The following CPVL variants were observed in gnomAD, a reference collection of about 807,000 sequenced individuals.
CPVL encodes probable serine carboxypeptidase CPVL.
A neutral mutation model predicts 63.7 loss-of-function variants in CPVL; 51 were observed. The observed-to-expected ratio is 0.80, with a 90% confidence interval of 0.64 to 1.01. The LOEUF (loss-of-function observed/expected upper bound fraction) is 1.01. CPVL is among the 50% of genes least tolerant of loss of function. CPVL has a pLI of 0.00. For synonymous variants in CPVL, 195 were observed against 206.0 expected, an observed-to-expected ratio of 0.95 and a Z score of 0.46; for missense variants, 530 against 573.1, an observed-to-expected ratio of 0.92 and a Z score of 0.77.
intron 1 of CPVL, chr7:29,194,809 T>C: frequency 2.9e-6 from 2 of 693,750 alleles, no homozygotes; most frequent in Non-Finnish European, 4.2e-6. Flanking sequence ...GTCCGGAGGC[T>C]GGTGCTTTCT....
exon 1 of CPVL, chr7:29,195,158 C>T (rs1339502207): frequency 5.0e-6 from 3 of 598,166 alleles, no homozygotes; most frequent in African/African-American, 2.0e-5. Flanking sequence ...ACCTCGGTGC[C>T]CAGAGCACCT....
At chr7:29,178,391 G>T (rs1194318891) in intron 5 of CPVL, among the ~76,000 whole-genome samples, 4 of 152,040 alleles carry the variant, frequency 2.6e-5, no homozygotes, top group Non-Finnish European at 5.9e-5. Flanking sequence ...TCTGCGTGCG[G>T]TTTCATTCCT....
At chr7:29,002,006 C>T (rs1784690605) in intron 12 of CPVL, among the ~76,000 whole-genome samples, 1 of 152,128 alleles carries the variant, frequency 6.6e-6, no homozygotes, top group Non-Finnish European at 1.5e-5. Flanking sequence ...TGAGAGAGGC[C>T]ATGATCGTAG....
At chr7:29,073,994 G>T (rs562556762) in intron 7 of CPVL, among the ~76,000 whole-genome samples, 4 of 152,258 alleles carry the variant, frequency 2.6e-5, no homozygotes, top group South Asian at 4.1e-4. Flanking sequence ...CCCTCCAGGG[G>T]TCTGTAGTTC....
intron 7 of CPVL, among the ~76,000 whole-genome samples, chr7:29,079,616 A>G (rs76500314): frequency 0.022 from 3,401 of 152,350 alleles, 61 homozygotes; most frequent in Non-Finnish European, 0.035. Flanking sequence ...ATCTACAGAT[A>G]AAATACATGA....
At chr7:29,186,312 G>C (rs144280989) in intron 2 of CPVL, 41 of 152,292 alleles carry the variant, frequency 2.7e-4, no homozygotes, top group African/African-American at 9.4e-4. Context: ...TAGGCCATGC[G>C]TGTTGGCTCA....
chr7:29,095,408 T>C (rs1407887383), intron 4 of CPVL, among the ~76,000 whole-genome samples: 1 of 152,124 alleles, frequency 6.6e-6, no homozygotes, highest in African/African-American at 2.4e-5. Flanking sequence ...GGAACAAAGC[T>C]GGTTCATGAA....
rs1400471336 is a variant in CPVL, at chr7:29,095,162, G to T, written c.404-20C>A. 6 of 1,608,914 alleles carry T rather than the reference G, an allele frequency of 3.7e-6. No homozygotes were observed. The highest frequency in any genetic ancestry group is 5.1e-6 in the Non-Finnish European group (6 of 1,175,364). On this transcript the variant is annotated intron_variant, in intron 4 of 12. Coordinates refer to ENST00000265394, the MANE Select transcript of CPVL (RefSeq NM_031311.5). Reference sequence around the variant, plus strand: ...CACGCACTGTGAAAACAAAGAAGAGGGGTGAGATAGAGTCGTGGACAAGCA... The same window carrying T: ...CACGCACTGTGAAAACAAAGAAGAGTGGTGAGATAGAGTCGTGGACAAGCA...
At chr7:29,053,751 C>G (rs1790428481) in intron 11 of CPVL, among the ~76,000 whole-genome samples, 1 of 151,932 alleles carries the variant, frequency 6.6e-6, no homozygotes, top group Non-Finnish European at 1.5e-5. Flanking sequence ...TAAATTATAT[C>G]TCAGTCAATC....
At chr7:29,071,089 G>C (rs1783687937) in intron 9 of CPVL, among the ~76,000 whole-genome samples, 1 of 151,696 alleles carries the variant, frequency 6.6e-6, no homozygotes, top group African/African-American at 2.4e-5. Context: ...ACATGGCTCT[G>C]TCTGCATTGG....
chr7:29,133,010 G>A (rs1015995754), intron 1 of CPVL, among the ~76,000 whole-genome samples: 1 of 152,278 alleles, frequency 6.6e-6, no homozygotes, highest in South Asian at 2.1e-4. Flanking sequence ...CAGCCAAAAT[G>A]TCTTCACACA....
At chr7:29,075,851 C>T (rs149359327) in intron 7 of CPVL, among the ~76,000 whole-genome samples, 3 of 151,334 alleles carry the variant, frequency 2.0e-5, no homozygotes, top group Non-Finnish European at 4.4e-5. Context: ...GGTTGAGTGA[C>T]TCAGGCTGTC....
intron 3 of CPVL, chr7:29,096,419 T>C (rs567271062): frequency 5.2e-6 from 3 of 578,996 alleles, no homozygotes; most frequent in Admixed American, 3.0e-5. Flanking sequence ...CTGTGCCTCA[T>C]ATGCTGGTGT....
At chr7:29,179,831 GAGTT>G (rs1052906496) in intron 5 of CPVL, among the ~76,000 whole-genome samples, 18 of 152,190 alleles carry the variant, frequency 1.2e-4, no homozygotes, top group Non-Finnish European at 5.9e-5. Context: ...TTGCAAAACT[GAGTT>G]AGTGCATGTG....
At chr7:29,180,010 G>A (rs907952730) in intron 5 of CPVL, among the ~76,000 whole-genome samples, 1 of 152,082 alleles carries the variant, frequency 6.6e-6, no homozygotes, top group Non-Finnish European at 1.5e-5. Flanking sequence ...TGCAGACAGT[G>A]GAAATATCAA....
intron 3 of CPVL, among the ~76,000 whole-genome samples, chr7:29,100,170 C>T (rs1049978699): frequency 2.0e-5 from 3 of 152,156 alleles, no homozygotes; most frequent in African/African-American, 7.2e-5. Flanking sequence ...TCCCAGCCTC[C>T]CAGGGAGTGT....
At chr7:29,054,194 T>A (rs562863727) in intron 11 of CPVL, among the ~76,000 whole-genome samples, 1 of 152,348 alleles carries the variant, frequency 6.6e-6, no homozygotes, top group South Asian at 2.1e-4. Context: ...AACATTAACA[T>A]TGATAAAATA....
At chr7:29,004,064 C>T (rs985131560) in intron 12 of CPVL, among the ~76,000 whole-genome samples, 1 of 152,144 alleles carries the variant, frequency 6.6e-6, no homozygotes, top group Non-Finnish European at 1.5e-5. Context: ...TGTATTGACT[C>T]AAAGCTGACT....
intron 6 of CPVL, among the ~76,000 whole-genome samples, chr7:29,091,973 A>G (rs558856414): frequency 1.3e-5 from 2 of 152,286 alleles, no homozygotes; most frequent in East Asian, 3.9e-4. Context: ...GTAAATTATT[A>G]TAATACATAA....
Sources: gnomAD v4.1 joint callset for allele counts (sites outside exome capture counted in the v4.1 genomes callset) on GRCh38, gnomAD v4.1.1 for gene constraint, MANE v1.5 for transcripts, NCBI Gene and HGNC (gene_info 2026-07-23, HGNC 2026-07-21) for gene names.